The following SPECC1 variants were observed in gnomAD, a reference collection of about 807,000 sequenced individuals.
SPECC1 encodes sperm antigen with calponin homology and coiled-coil domains 1, also known as cytospin-B.
Under a neutral mutation model 104.1 loss-of-function variants are expected in SPECC1, and 62 were observed. The ratio of observed to expected loss-of-function variants is 0.60; its 90% CI spans 0.49 to 0.74. SPECC1 has a LOEUF of 0.74. SPECC1 is among the 30% of genes least tolerant of loss of function. SPECC1 has a pLI of 0.00. For synonymous variants in SPECC1, 513 were observed against 501.6 expected, an observed-to-expected ratio of 1.02 and a Z score of -0.30; for missense variants, 1,306 against 1,310.5, an observed-to-expected ratio of 1.00 and a Z score of 0.05.
At chr17:20,260,929 T>A (rs1039274132) in intron 12 of SPECC1, among the ~76,000 whole-genome samples, 1 of 152,124 alleles carries the variant, frequency 6.6e-6, no homozygotes, top group South Asian at 2.1e-4. Context: ...TGTAAATCAG[T>A]TGTTTAGCAT....
Position 20,296,992 on chromosome 17 carries a change from G to A in SPECC1, c.2972G>A (p.Trp991Ter). The change falls in exon 13 of 15, where the codon TGG becomes TAG. Residue 991 changes from tryptophan (W) to a stop codon, truncating the protein, a stop_gained. Transcript: ENST00000395527. LOFTEE classifies it high-confidence loss of function. ...GACATCACCAATTTCAGCAGCAGCT[G>A]GAGCGATGGCCTGGCCTTCTGTGCT... ...NIDITNFSSSWSDGLAFCALL... is the reference protein window; with the variant it reads ...NIDITNFSSS 1 of 1,614,178 alleles carries A rather than the reference G, an allele frequency of 6.2e-7. No homozygotes were observed. Among genetic ancestry groups the A allele is most frequent in the Non-Finnish European group, 8.5e-7 (1 of 1,180,036 alleles).
intron 8 of SPECC1, among the ~76,000 whole-genome samples, chr17:20,246,304 C>T (rs114988694): frequency 1.3e-5 from 2 of 152,312 alleles, no homozygotes; most frequent in South Asian, 2.1e-4. Flanking sequence ...TCCTCTCTAC[C>T]GCTTCCTTCC....
chr17:20,296,944 A>G lies in SPECC1; in HGVS notation c.2941-17A>G, dbSNP rs777531998. 9 of 1,611,636 alleles carry G rather than the reference A, an allele frequency of 5.6e-6. No individual in the cohort carries two copies. In the African/African-American group the frequency reaches 6.7e-5, roughly 12 times the overall value. ...TTTGCAATAGTTCTTGTTTATTACT[A>G]CTTTTCTCTCCTGCAGAACATTGAC... On this transcript the variant is annotated splice_polypyrimidine_tract_variant and intron_variant, in intron 12 of 14. Coordinates refer to ENST00000395527, the MANE Select transcript of SPECC1 (RefSeq NM_001243439.2).
intron 12 of SPECC1, among the ~76,000 whole-genome samples, chr17:20,292,210 C>A (rs1217025408): frequency 1.3e-5 from 2 of 152,034 alleles, no homozygotes; most frequent in Non-Finnish European, 2.9e-5. Flanking sequence ...AGAAACCAGA[C>A]CCTCTGTTAG....
At chr17:20,111,932 A>C in intron 3 of SPECC1, 1 of 791,982 alleles carries the variant, frequency 1.3e-6, no homozygotes, top group South Asian at 1.3e-5. Flanking sequence ...TAAACTTGGC[A>C]TAAAAGCCAC....
intron 1 of SPECC1, among the ~76,000 whole-genome samples, chr17:20,072,128 A>G (rs760424575): frequency 1.3e-5 from 2 of 152,156 alleles, no homozygotes; most frequent in Non-Finnish European, 1.5e-5. Flanking sequence ...AAAGACCTCT[A>G]GTCTTGCAGT....
At position 20,246,015 on chromosome 17, in the gene SPECC1, C is replaced by G; in HGVS notation, c.2441C>G (p.Pro814Arg). 6.2e-7 allele frequency: 1 copy of G among 1,614,100 alleles called. No individual in the cohort carries two copies. Among genetic ancestry groups the G allele is most frequent in the Non-Finnish European group, 8.5e-7 (1 of 1,180,014 alleles). ...GTTAGCAGAACATCTCCAACACCCCCAGAGTCGGCAACCACCGTTAAGTCA... is the reference window on the plus strand; with the variant it reads ...GTTAGCAGAACATCTCCAACACCCCGAGAGTCGGCAACCACCGTTAAGTCA... ...VCVSRTSPTP[P>R]ESATTVKSLI... is the part of the protein sequence containing the mutation. Residue 814 changes from proline (P) to arginine (R), a missense_variant, in exon 8 of 15, where the codon CCA (proline) becomes CGA (arginine). By Grantham distance (103) the Pro-to-Arg change is moderately radical. Transcript: ENST00000395527.
At chr17:20,217,279 G>T (rs34571001) in intron 4 of SPECC1, among the ~76,000 whole-genome samples, 54,985 of 135,384 alleles carry the variant, frequency 0.41, 11,033 homozygotes, top group East Asian at 0.79. Flanking sequence ...GTGTGTGTGT[G>T]TGTTTTTTTT....
chr17:20,279,991 C>A (rs1009351875), intron 12 of SPECC1, among the ~76,000 whole-genome samples: 3 of 152,086 alleles, frequency 2.0e-5, no homozygotes, highest in African/African-American at 7.2e-5. Flanking sequence ...GGAACATAGT[C>A]GCATGTGTGT....
intron 1 of SPECC1, chr17:20,018,163 G>A (rs1022540617): frequency 6.6e-6 from 1 of 152,118 alleles, no homozygotes; most frequent in Admixed American, 6.6e-5. Context: ...TCTGTTCCTG[G>A]AAACCTGTTA....
At position 20,273,910 on chromosome 17, in the gene SPECC1, C is replaced by T. The variant is rs76920911; in HGVS notation, c.2940+13616C>T. On this transcript the variant is annotated intron_variant, in intron 12 of 14. Transcript: ENST00000395527. Reference sequence around the variant, plus strand: ...GTTAATGCCTTTGGAGGAAAAATTCCTTTCTGTGGTTTTCTGGGGCTTCAC... The same window carrying T: ...GTTAATGCCTTTGGAGGAAAAATTCTTTTCTGTGGTTTTCTGGGGCTTCAC... 6.3e-3 allele frequency among the ~76,000 whole-genome samples: 961 copies of T among 152,166 alleles called. 21 individuals are homozygous for T. In the East Asian group the frequency reaches 0.084, roughly 13 times the overall value.
At chr17:20,223,595 C>T (rs1472914189) in intron 4 of SPECC1, among the ~76,000 whole-genome samples, 1 of 151,896 alleles carries the variant, frequency 6.6e-6, no homozygotes, top group Non-Finnish European at 1.5e-5. Context: ...ATCGCTTGAA[C>T]CTGGGAGGCA....
chr17:20,094,815 G>C (rs927909062), intron 1 of SPECC1, among the ~76,000 whole-genome samples: 3 of 152,078 alleles, frequency 2.0e-5, no homozygotes, highest in Non-Finnish European at 2.9e-5. Flanking sequence ...GCCCAGGCTG[G>C]TCTCAAACTC....
At chr17:20,279,898 A>G (rs2040708875) in intron 12 of SPECC1, among the ~76,000 whole-genome samples, 1 of 152,204 alleles carries the variant, frequency 6.6e-6, no homozygotes, top group African/African-American at 2.4e-5. Context: ...AGTGGCTGAC[A>G]CACGCTGCAA....
intron 3 of SPECC1, among the ~76,000 whole-genome samples, chr17:20,175,689 T>G (rs928559728): frequency 1.3e-5 from 2 of 152,226 alleles, no homozygotes; most frequent in Admixed American, 1.3e-4. Flanking sequence ...GAAGGACTAT[T>G]ACTACACTGG....
intron 3 of SPECC1, among the ~76,000 whole-genome samples, chr17:20,144,597 A>G (rs1294699320): frequency 1.3e-5 from 2 of 152,084 alleles, no homozygotes; most frequent in African/African-American, 4.8e-5. Context: ...TTTCCTTTAT[A>G]TATAAGTGAA....
intron 1 of SPECC1, among the ~76,000 whole-genome samples, chr17:20,091,703 A>G (rs915884739): frequency 6.6e-6 from 1 of 152,136 alleles, no homozygotes; most frequent in Non-Finnish European, 1.5e-5. Flanking sequence ...TCCCCTGGCA[A>G]TTGAGCTATG....
chr17:20,050,461 G>T lies in SPECC1; in HGVS notation c.-22+41037G>T, dbSNP rs557607600. Reference sequence around the variant, plus strand: ...CAATATCAAACCTTTTAAAATTTAGGCTTAAAATATTTTTTAAAATGCAAA... The same window carrying T: ...CAATATCAAACCTTTTAAAATTTAGTCTTAAAATATTTTTTAAAATGCAAA... On this transcript the variant is annotated intron_variant, in intron 1 of 14. Coordinates refer to ENST00000395527, the MANE Select transcript of SPECC1 (RefSeq NM_001243439.2). 5.3e-5 allele frequency among the ~76,000 whole-genome samples: 8 copies of T among 152,144 alleles called. No homozygotes were observed. The South Asian group carries it at 1.7e-3, about 32-fold the overall frequency.
intron 12 of SPECC1, among the ~76,000 whole-genome samples, chr17:20,265,514 T>C (rs1029692340): frequency 6.6e-6 from 1 of 152,198 alleles, no homozygotes; most frequent in African/African-American, 2.4e-5. Flanking sequence ...ATGCATAGTT[T>C]GTGAATATTT....
Sources: gnomAD v4.1 joint callset for allele counts (sites outside exome capture counted in the v4.1 genomes callset) on GRCh38, gnomAD v4.1.1 for gene constraint, MANE v1.5 for transcripts, NCBI Gene and HGNC (gene_info 2026-07-23, HGNC 2026-07-21) for gene names.